PLAGL1: variants seen among roughly 807,000 people sequenced by gnomAD.
PLAGL1 encodes the protein PLAG1 like zinc finger 1.
Under a neutral mutation model 4.6 loss-of-function variants are expected in PLAGL1, and 1 was observed. That is an observed-to-expected ratio of 0.22 (90% CI 0.08 to 1.03). PLAGL1 has a LOEUF of 1.03. PLAGL1 is among the 50% of genes least tolerant of loss of function. The probability of loss-of-function intolerance (pLI) is 0.58; values close to 1 mark genes in which losing one functional copy is unlikely to be tolerated. For synonymous variants in PLAGL1, 240 were observed against 237.8 expected (o/e 1.01, Z -0.08); for missense variants, 464 against 570.4 (o/e 0.81, Z 1.90).
In PLAGL1 at chr6:144,048,934, T is replaced by G. The variant is rs528609102; in HGVS notation, c.-151+15534A>C. Among the ~76,000 whole-genome samples the G allele has an allele frequency of 6.6e-6, 1 of 152,224 alleles. No homozygotes were observed. The highest frequency in any genetic ancestry group is 2.4e-5 in the African/African-American group (1 of 41,458). ...TTCCCTTTTAAATCCAAATTCCAAT[T>G]TCAAACCATCTCTTTGTGAATGCAT... On this transcript the variant is annotated intron_variant, in intron 1 of 3. Transcript: ENST00000437412. The surrounding 1 kb of genome is among the most constrained non-coding windows in gnomAD (Gnocchi z 4.8).
At chr6:144,019,719 G>A (rs1795833035) in intron 1 of PLAGL1, among the ~76,000 whole-genome samples, 1 of 151,554 alleles carries the variant, frequency 6.6e-6, no homozygotes, top group Non-Finnish European at 1.5e-5. Flanking sequence ...AAGTGGGGGG[G>A]TAGGGGAGCA....
rs6930429 is a variant in PLAGL1 at position 144,034,537 on chromosome 6, C to T, written c.-151+29931G>A. ...CTCTCATTCAGGGGGTTCAATAAAT[C>T]ATCTGCCAGAAAGGAAGTGTGCAGC... On this transcript the variant is annotated intron_variant, in intron 1 of 3. Coordinates refer to the PLAGL1 transcript ENST00000437412. The surrounding 1 kb of genome is among the most constrained non-coding windows in gnomAD (Gnocchi z 4.7). Among the ~76,000 whole-genome samples, 22,922 of 152,136 alleles carry T rather than the reference C, an allele frequency of 0.15. 2,033 individuals carry two copies. The highest frequency in any genetic ancestry group is 0.25 in the Admixed American group (3,785 of 15,284).
rs1799260218 is a variant in PLAGL1, at chr6:144,059,972, A to G, written c.-151+4496T>C. 6.6e-6 allele frequency among the ~76,000 whole-genome samples: 1 copy of G among 152,094 alleles called. No homozygotes were observed. The highest frequency in any genetic ancestry group is 2.1e-4 in the South Asian group (1 of 4,822). ...CATTTCCCCCCATCTAGCAAGAGCA[A>G]GTCCTCCTTACTCCTCCACGAAGCT... On this transcript the variant is annotated intron_variant, in intron 1 of 3. Coordinates refer to the PLAGL1 transcript ENST00000437412. This position sits in a 1 kb window ranked among gnomAD's most constrained non-coding sequence, Gnocchi z 4.9.
At chr6:143,976,557 C>T (rs1786595920) in intron 2 of PLAGL1, among the ~76,000 whole-genome samples, 1 of 152,052 alleles carries the variant, frequency 6.6e-6, no homozygotes, top group Admixed American at 6.6e-5. Context: ...TACAACACAT[C>T]ACTTGAAATG....
Position 144,008,220 on chromosome 6 carries a change from C to CCCGT in PLAGL1, c.-718_-715dup, listed in dbSNP as rs918032626. 5.9e-5 allele frequency: 9 copies of CCCGT among 151,928 alleles called. 1 individual carries two copies. The highest frequency in any genetic ancestry group is 4.1e-4 in the South Asian group (2 of 4,828). The allele number at this position is 151,928 out of a possible 1,614,324, so 9.4% of individuals were successfully genotyped here. ...GCTGCTGAGCTGTGAGCACGGCTGC[C>CCCGT]CCGTCCGTCCGTCCGTCCAGCACCC... On this transcript the variant is annotated 5_prime_UTR_variant, in exon 1 of 8. Coordinates refer to ENST00000674357, the MANE Select transcript of PLAGL1 (RefSeq NM_001317162.2). The surrounding 1 kb of genome is among the most constrained non-coding windows in gnomAD (Gnocchi z 6.9).
chr6:143,947,466 T>C lies in PLAGL1; in HGVS notation c.152+519A>G, dbSNP rs1780028631. ...TCTCAGACAGAGGTAAGGCCTGCTA[T>C]ACGTGGCTTCCTTCCTGCCTGCACT... On this transcript the variant is annotated intron_variant, in intron 7 of 7. Transcript: ENST00000674357. The surrounding 1 kb of genome is among the most constrained non-coding windows in gnomAD (Gnocchi z 4.3). Among the ~76,000 whole-genome samples, 1 of 152,254 alleles carries C rather than the reference T, an allele frequency of 6.6e-6. No individual in the cohort carries two copies. The highest frequency in any genetic ancestry group is 6.5e-5 in the Admixed American group (1 of 15,290).
At chr6:144,047,095 A>C (rs1289772121) in intron 1 of PLAGL1, among the ~76,000 whole-genome samples, 1 of 152,240 alleles carries the variant, frequency 6.6e-6, no homozygotes, top group African/African-American at 2.4e-5. Flanking sequence ...TTCCAGGTAC[A>C]GTCTGTCACA....
chr6:143,986,417 G>A (rs921297025), intron 1 of PLAGL1, among the ~76,000 whole-genome samples: 1 of 152,062 alleles, frequency 6.6e-6, no homozygotes, highest in Non-Finnish European at 1.5e-5. Flanking sequence ...GCAACAAACT[G>A]TTCACCAGCC....
intron 1 of PLAGL1, among the ~76,000 whole-genome samples, chr6:144,030,098 C>CA (rs939521917): frequency 1.5e-4 from 23 of 151,140 alleles, no homozygotes; most frequent in African/African-American, 5.6e-4. Flanking sequence ...CTAAAAAATA[C>CA]AAAAAAATTA....
chr6:144,043,636 CTTT>C (rs903895460), intron 1 of PLAGL1, among the ~76,000 whole-genome samples: 14 of 151,134 alleles, frequency 9.3e-5, no homozygotes, highest in Admixed American at 7.2e-4. Flanking sequence ...CTAAAATTCT[CTTT>C]TTTTTTGTTG....
chr6:143,977,795 C>T (rs1437851975), intron 2 of PLAGL1, among the ~76,000 whole-genome samples: 1 of 152,080 alleles, frequency 6.6e-6, no homozygotes, highest in Non-Finnish European at 1.5e-5. Flanking sequence ...CCACTGCACC[C>T]GGCCAGCTCA....
chr6:144,049,248 TTC>T (rs1186811204), intron 1 of PLAGL1, among the ~76,000 whole-genome samples: 1 of 152,198 alleles, frequency 6.6e-6, no homozygotes. Context: ...CTCTAGAAAG[TTC>T]CAAACTTTCC....
At position 144,015,626 on chromosome 6, in the gene PLAGL1, G is replaced by T. The variant is rs2128693076; in HGVS notation, c.-150-46648C>A. 6.6e-6 allele frequency among the ~76,000 whole-genome samples: 1 copy of T among 152,260 alleles called. No individual in the cohort carries two copies. The highest frequency in any genetic ancestry group is 1.9e-4 in the East Asian group (1 of 5,186). ...GTGAAGGGCCAAGAAGTCCAAGAAT[G>T]ACATTAAACATCATTTCCCCAATGA... On this transcript the variant is annotated intron_variant, in intron 1 of 3. Transcript: ENST00000437412. The surrounding 1 kb of genome is among the most constrained non-coding windows in gnomAD (Gnocchi z 4.3).
Position 144,050,074 on chromosome 6 carries a change from A to G in PLAGL1, c.-151+14394T>C, listed in dbSNP as rs1165189744. On this transcript the variant is annotated intron_variant, in intron 1 of 3. Coordinates refer to the PLAGL1 transcript ENST00000437412. This position sits in a 1 kb window ranked among gnomAD's most constrained non-coding sequence, Gnocchi z 4.3. ...CACAATTTAGAGCCTCGGCTTTTTG[A>G]ATGAAGTAGGAGAGTAGTTATTTTT... Among the ~76,000 whole-genome samples, 4 of 152,130 alleles carry G rather than the reference A, an allele frequency of 2.6e-5. No homozygotes were observed. Among genetic ancestry groups the G allele is most frequent in the African/African-American group, 9.7e-5 (4 of 41,402 alleles).
intron 1 of PLAGL1, chr6:144,037,613 C>G (rs945045996): frequency 6.6e-6 from 1 of 151,928 alleles, no homozygotes; most frequent in Non-Finnish European, 1.5e-5. Context: ...AAAAACAAAG[C>G]AGTTTTAGAA....
In PLAGL1 at chr6:143,990,236, T is replaced by C. The variant is rs1790158893; in HGVS notation, c.-583-5062A>G. 6.6e-6 allele frequency among the ~76,000 whole-genome samples: 1 copy of C among 152,122 alleles called. No homozygotes were observed. The highest frequency in any genetic ancestry group is 1.5e-5 in the Non-Finnish European group (1 of 68,006). On this transcript the variant is annotated intron_variant, in intron 1 of 7. Transcript: ENST00000674357. This position sits in a 1 kb window ranked among gnomAD's most constrained non-coding sequence, Gnocchi z 5.4. ...ACCGGGTTCAAGCGATTATCTTGCTTCAGCTTCCCAAGTAGCTGGGATTAC... is the reference window on the plus strand; with the variant it reads ...ACCGGGTTCAAGCGATTATCTTGCTCCAGCTTCCCAAGTAGCTGGGATTAC...
chr6:144,006,380 T>C lies in PLAGL1; in HGVS notation c.-584+1710A>G, dbSNP rs1794176180. On this transcript the variant is annotated intron_variant, in intron 1 of 7. Transcript: ENST00000674357. The surrounding 1 kb of genome is among the most constrained non-coding windows in gnomAD (Gnocchi z 4.3). ...TACAAAGCAAACACCCATGTAACCATTGCACAGGTCAGGCGATAAAGCATT... is the reference window on the plus strand; with the variant it reads ...TACAAAGCAAACACCCATGTAACCACTGCACAGGTCAGGCGATAAAGCATT... 1 of 152,170 alleles carries C rather than the reference T, an allele frequency of 6.6e-6. No individual in the cohort carries two copies. The highest frequency in any genetic ancestry group is 2.1e-4 in the South Asian group (1 of 4,826). The allele number at this position is 152,170 out of a possible 1,614,324, so 9.4% of individuals were successfully genotyped here. A position where few individuals can be genotyped will look rare whatever the true frequency, so the allele number is the denominator to read the frequency against.
intron 1 of PLAGL1, among the ~76,000 whole-genome samples, chr6:144,029,832 C>T (rs1045513315): frequency 6.6e-6 from 1 of 152,112 alleles, no homozygotes; most frequent in Admixed American, 6.5e-5. Flanking sequence ...TAAACACGTG[C>T]ACTGTTTGAT....
Position 143,990,120 on chromosome 6 carries a change from T to A in PLAGL1, c.-583-4946A>T, listed in dbSNP as rs1431199265. On this transcript the variant is annotated intron_variant, in intron 1 of 7. Coordinates refer to ENST00000674357, the MANE Select transcript of PLAGL1 (RefSeq NM_001317162.2). This position sits in a 1 kb window ranked among gnomAD's most constrained non-coding sequence, Gnocchi z 5.4. ...CATACTATGCTCTGATATTCCCCAA[T>A]TTTTTTTTTTTTCTTTTTTGAGATG... Among the ~76,000 whole-genome samples, 1 of 141,392 alleles carries A rather than the reference T, an allele frequency of 7.1e-6. No homozygotes were observed. Among genetic ancestry groups the A allele is most frequent in the African/African-American group, 2.6e-5 (1 of 38,494 alleles). 92.8% of individuals were successfully genotyped at this position (141,392 alleles called of 152,430 possible).
Sources: gnomAD v4.1 joint callset for allele counts (sites outside exome capture counted in the v4.1 genomes callset) on GRCh38, gnomAD v4.1.1 for gene constraint, Gnocchi (gnomAD v3.1) non-coding constraint, MANE v1.5 for transcripts, NCBI Gene and HGNC (gene_info 2026-07-23, HGNC 2026-07-21) for gene names.